The following GAN variants were observed in gnomAD, a reference collection of about 807,000 sequenced individuals.
GAN encodes epididymis secretory sperm binding protein.
GAN carries 48 observed loss-of-function variants against 71.3 expected under a neutral mutation model. The observed-to-expected ratio is 0.67, with a 90% CI of 0.53 to 0.86. The LOEUF is 0.86. GAN is among the 40% of genes least tolerant of loss of function. The pLI is 0.00. For missense variants in GAN, 928 were observed against 770.1 expected (o/e 1.21, Z -2.43); for synonymous variants, 386 against 276.8 (o/e 1.39, Z -3.92).
In GAN at chr16:81,369,032, A is replaced by C. The variant is rs114768575; in HGVS notation, c.1502+3554A>C. Reference sequence around the variant, plus strand: ...TTTCACATATCGTATACTCCAGCTCACTTTTTAAATCCTCTTGTGTTTTAC... The same window carrying C: ...TTTCACATATCGTATACTCCAGCTCCCTTTTTAAATCCTCTTGTGTTTTAC... On this transcript the variant is annotated intron_variant, in intron 9 of 10. Coordinates refer to ENST00000648994, the MANE Select transcript of GAN (RefSeq NM_022041.4). Among the ~76,000 whole-genome samples, 327 of 152,286 alleles carry C rather than the reference A, an allele frequency of 2.1e-3. 2 individuals are homozygous for C. Among genetic ancestry groups the C allele is most frequent in the African/African-American group, 7.3e-3 (304 of 41,568 alleles).
chr16:81,351,756 G>C lies in GAN; in HGVS notation c.282+59G>C, dbSNP rs891147536. The C allele has an allele frequency of 7.3e-6, 6 of 819,858 alleles. No homozygotes were observed. In the African/African-American group the frequency reaches 1.0e-4, roughly 14 times the overall value. 50.8% of individuals were successfully genotyped at this position (819,858 alleles called of 1,614,324 possible). On this transcript the variant is annotated intron_variant, in intron 2 of 10. Transcript: ENST00000648994. ...TAGAGGCTTCTCAAGCTCAGGGTGA[G>C]GGTCTCCTTTCATCCATTATATGAC...
chr16:81,348,210 C>T (rs1406379186), intron 1 of GAN, among the ~76,000 whole-genome samples: 1 of 151,948 alleles, frequency 6.6e-6, no homozygotes, highest in Non-Finnish European at 1.5e-5. Context: ...TTATCTTGAC[C>T]CTACATTTAA....
chr16:81,370,847 T>A (rs1911015402), intron 9 of GAN, among the ~76,000 whole-genome samples: 2 of 152,250 alleles, frequency 1.3e-5, no homozygotes, highest in East Asian at 3.8e-4. Flanking sequence ...TTACTTTGGG[T>A]TTCTTTTACT....
At chr16:81,321,406 G>T (rs963403515) in intron 1 of GAN, among the ~76,000 whole-genome samples, 1 of 152,098 alleles carries the variant, frequency 6.6e-6, no homozygotes, top group African/African-American at 2.4e-5. Context: ...TCTTCTTATA[G>T]TTTGCATTTT....
intron 1 of GAN, among the ~76,000 whole-genome samples, chr16:81,337,002 G>C (rs189411569): frequency 6.8e-4 from 103 of 151,970 alleles, no homozygotes; most frequent in African/African-American, 2.4e-3. Flanking sequence ...GCCTTCTATG[G>C]GTTTGGACAA....
At position 81,358,474 on chromosome 16, in the gene GAN, T is replaced by G. The variant is rs1982620; in HGVS notation, c.973+543T>G. On this transcript the variant is annotated intron_variant, in intron 5 of 10. Transcript: ENST00000648994. ...AATCAAAAAAATTAGCCAGGCATAG[T>G]GGCATGCACTTGTGGTCCCAGCTAC... 3.3e-3 allele frequency among the ~76,000 whole-genome samples: 497 copies of G among 152,118 alleles called. 3 individuals carry two copies. The highest frequency in any genetic ancestry group is 0.011 in the African/African-American group (471 of 41,494).
At chr16:81,322,423 T>C (rs1032076439) in intron 1 of GAN, among the ~76,000 whole-genome samples, 2 of 152,360 alleles carry the variant, frequency 1.3e-5, no homozygotes, top group East Asian at 3.9e-4. Flanking sequence ...TCCATTTCAA[T>C]AGAGTAAGGC....
In GAN at chr16:81,364,443, T is replaced by C. The variant is rs182271744; in HGVS notation, c.1236+500T>C. On this transcript the variant is annotated intron_variant, in intron 7 of 10. Coordinates refer to ENST00000648994, the MANE Select transcript of GAN (RefSeq NM_022041.4). ...ACCACACCCAGCTAATTTTTGTTTT[T>C]TTAAGTAGAGATAGGGTTTCACTAT... 2.5e-3 allele frequency among the ~76,000 whole-genome samples: 382 copies of C among 152,326 alleles called. 3 individuals carry two copies. Among genetic ancestry groups the C allele is most frequent in the Non-Finnish European group, 3.6e-3 (243 of 68,034 alleles).
chr16:81,361,855 C>T (rs577460843), intron 5 of GAN, among the ~76,000 whole-genome samples: 18 of 152,270 alleles, frequency 1.2e-4, no homozygotes, highest in South Asian at 2.1e-4. Context: ...CCACAATGCC[C>T]GGCTAATTTC....
At chr16:81,318,026 C>T (rs929080875) in intron 1 of GAN, among the ~76,000 whole-genome samples, 5 of 152,144 alleles carry the variant, frequency 3.3e-5, no homozygotes, top group East Asian at 3.8e-4. Context: ...AGTAATTTGA[C>T]GAATCTGTAT....
chr16:81,353,217 A>G (rs1161046503), intron 2 of GAN, among the ~76,000 whole-genome samples: 2 of 143,078 alleles, frequency 1.4e-5, no homozygotes, highest in African/African-American at 5.3e-5. Flanking sequence ...CGTGAACCCC[A>G]GGGGGCGGAG....
At position 81,330,936 on chromosome 16, in the gene GAN, G is replaced by T. The variant is rs1189605576; in HGVS notation, c.167+15656G>T. Among the ~76,000 whole-genome samples, 3 of 152,214 alleles carry T rather than the reference G, an allele frequency of 2.0e-5. No homozygotes were observed. In the East Asian group the frequency reaches 5.8e-4, roughly 29 times the overall value. ...ATAAGAAATTAAACAGGCAGGCATG[G>T]TGGTTCACGCCTGTAATCCTGGCAG... On this transcript the variant is annotated intron_variant, in intron 1 of 10. Coordinates refer to ENST00000648994, the MANE Select transcript of GAN (RefSeq NM_022041.4).
At position 81,373,180 on chromosome 16, in the gene GAN, C is replaced by G. The variant is rs148675245; in HGVS notation, c.1503-4039C>G. Among the ~76,000 whole-genome samples the G allele has an allele frequency of 4.4e-3, 665 of 152,312 alleles. 5 individuals are homozygous for G. The highest frequency in any genetic ancestry group is 0.015 in the African/African-American group (627 of 41,554). The stretch of plus-strand genomic sequence containing the variant: ...GAAATAATTGTACATTTCTCTTTGA[C>G]ATTGAGATGCCCTGGCTGCTTCACA... On this transcript the variant is annotated intron_variant, in intron 9 of 10. Transcript: ENST00000648994.
chr16:81,341,475 C>T (rs1280521215), intron 1 of GAN, among the ~76,000 whole-genome samples: 1 of 152,118 alleles, frequency 6.6e-6, no homozygotes, highest in South Asian at 2.1e-4. Flanking sequence ...GAGTGGGGGC[C>T]AATATTCAAC....
Position 81,365,452 on chromosome 16 carries a change from C to G in GAN, c.1476C>G (p.Ser492=). 3 of 1,613,464 alleles carry G rather than the reference C, an allele frequency of 1.9e-6. No homozygotes were observed. The highest frequency in any genetic ancestry group is 2.5e-6 in the Non-Finnish European group (3 of 1,179,908). The change falls in exon 9 of 11, where the codon TCC becomes TCG. Residue 492 remains serine (S), a synonymous_variant. Transcript: ENST00000648994. ...AQGSEMVTCK[S]EFYHDEFKRW... ...GTAGCGAGATGGTAACTTGCAAGTC[C>G]GAGTTCTACCATGATGAGTTTAAAA...
chr16:81,367,244 C>T lies in GAN; in HGVS notation c.1502+1766C>T, dbSNP rs138787463. Among the ~76,000 whole-genome samples, 1,077 of 152,210 alleles carry T rather than the reference C, an allele frequency of 7.1e-3. 13 individuals are homozygous for T. Among genetic ancestry groups the T allele is most frequent in the African/African-American group, 0.024 (1,016 of 41,520 alleles). The stretch of plus-strand genomic sequence containing the variant: ...TTTGCTGTTTAAAAGCACTTCTCGC[C>T]AGGTGCACTGGCTCCAGGCTATAAT... On this transcript the variant is annotated intron_variant, in intron 9 of 10. Coordinates refer to ENST00000648994, the MANE Select transcript of GAN (RefSeq NM_022041.4).
rs1226482507 is a variant in GAN, at chr16:81,380,043, T to C, written c.*2447T>C. 2 of 152,634 alleles carry C rather than the reference T, an allele frequency of 1.3e-5. No homozygotes were observed. Among genetic ancestry groups the C allele is most frequent in the Admixed American group, 1.3e-4 (2 of 15,284 alleles). 9.5% of individuals were successfully genotyped at this position (152,634 alleles called of 1,614,324 possible). A position where few individuals can be genotyped will look rare whatever the true frequency, so the allele number is the denominator to read the frequency against. On this transcript the variant is annotated 3_prime_UTR_variant, in exon 11 of 11. Transcript: ENST00000648994. ...AAAGCTGCTAAGTGCCAAACTGTTA[T>C]TTTACTATATATAAATATTAAAATA...
chr16:81,369,944 C>A (rs974568272), intron 9 of GAN, among the ~76,000 whole-genome samples: 10 of 152,322 alleles, frequency 6.6e-5, no homozygotes, highest in African/African-American at 2.4e-4. Flanking sequence ...ATCCCAAATT[C>A]TTTCCCAGAC....
At chr16:81,370,164 G>A (rs1480918921) in intron 9 of GAN, among the ~76,000 whole-genome samples, 1 of 152,240 alleles carries the variant, frequency 6.6e-6, no homozygotes, top group African/African-American at 2.4e-5. Context: ...AATGTCGGCT[G>A]TATATTAGTC....
Sources: allele counts gnomAD v4.1 joint callset (sites outside exome capture counted in the v4.1 genomes callset), GRCh38; gene constraint gnomAD v4.1.1; transcripts MANE v1.5; gene names NCBI Gene and HGNC (gene_info 2026-07-23, HGNC 2026-07-21).